CARD14: variants seen among roughly 807,000 people sequenced by gnomAD.
CARD14 encodes the protein caspase recruitment domain-containing protein 14.
Under a neutral mutation model 111.5 loss-of-function variants are expected in CARD14, and 107 were observed. The observed-to-expected ratio is 0.96, with a 90% CI of 0.82 to 1.13. The LOEUF is 1.13. Ranked by LOEUF, CARD14 falls within the 50% of genes most tolerant of loss-of-function variation. The pLI, the probability that CARD14 is intolerant of heterozygous loss-of-function variation, is 0.00. For synonymous variants in CARD14, 617 were observed against 579.6 expected, an observed-to-expected ratio of 1.06 and a Z score of -0.93; for missense variants, 1,322 against 1,362.3, an observed-to-expected ratio of 0.97 and a Z score of 0.47.
rs751205108 is a variant in CARD14 at position 80,183,761 on chromosome 17, T to TGCCCACATGCTCACCC, written c.350-120_350-105dup. The TGCCCACATGCTCACCC allele has an allele frequency of 1.2e-4, 67 of 542,918 alleles. No homozygotes were observed. In the Middle Eastern group the frequency reaches 1.4e-3, roughly 11 times the overall value. The allele number at this position is 542,918 out of a possible 1,614,324, so 33.6% of individuals were successfully genotyped here. On this transcript the variant is annotated intron_variant, in intron 6 of 23. Transcript: ENST00000648509. Reference sequence around the variant, plus strand: ...ATGCCCACCCGCCCACATGCTCAGCTGCCCACATGCTCACCCGCCCACATG... The same window carrying TGCCCACATGCTCACCC: ...ATGCCCACCCGCCCACATGCTCAGCTGCCCACATGCTCACCCGCCCACATGCTCACCCGCCCACATG...
chr17:80,171,425 C>A (rs1237276840), intron 1 of CARD14, among the ~76,000 whole-genome samples: 1 of 151,644 alleles, frequency 6.6e-6, no homozygotes, highest in African/African-American at 2.4e-5. Flanking sequence ...CTCAAGCAAT[C>A]CTCCTGCCTT....
At chr17:80,172,152 T>C (rs907987874) in intron 1 of CARD14, among the ~76,000 whole-genome samples, 1 of 152,218 alleles carries the variant, frequency 6.6e-6, no homozygotes, top group African/African-American at 2.4e-5. Context: ...CGGTAAGCCC[T>C]AGTTTTTCAG....
chr17:80,176,721 C>A (rs139991599), intron 2 of CARD14, among the ~76,000 whole-genome samples: 4 of 152,168 alleles, frequency 2.6e-5, no homozygotes, highest in African/African-American at 9.7e-5. Flanking sequence ...ATTCTGAATA[C>A]GTTTTTAAAA....
rs1280453529 is a variant in CARD14 at position 80,189,088 on chromosome 17, A to G, written c.843+544A>G. Among the ~76,000 whole-genome samples the G allele has an allele frequency of 6.6e-6, 1 of 152,096 alleles. No individual in the cohort carries two copies. Among genetic ancestry groups the G allele is most frequent in the Non-Finnish European group, 1.5e-5 (1 of 68,002 alleles). ...TAAAAGCCGCTGGAGGTGCATCACA[A>G]TGCCCGACTTGGTGGGTTTACTGCA... On this transcript the variant is annotated intron_variant, in intron 8 of 23. Coordinates refer to ENST00000648509, the MANE Select transcript of CARD14 (RefSeq NM_001366385.1). The surrounding 1 kb of genome is among the most constrained non-coding windows in gnomAD (Gnocchi z 4.7).
chr17:80,182,847 G>A lies in CARD14; in HGVS notation c.349+57G>A, dbSNP rs983701162. On this transcript the variant is annotated intron_variant, in intron 6 of 23. Transcript: ENST00000648509. The surrounding 1 kb of genome is among the most constrained non-coding windows in gnomAD (Gnocchi z 4.7). The stretch of plus-strand genomic sequence containing the variant: ...CACTTCTAGGAACCTCAGGCTCCTG[G>A]TAACCCCAGGTGCCCCGCTTACTTG... The A allele has an allele frequency of 1.2e-6, 2 of 1,604,740 alleles. No individual in the cohort carries two copies. Among genetic ancestry groups the A allele is most frequent in the Non-Finnish European group, 8.5e-7 (1 of 1,173,334 alleles).
intron 14 of CARD14, chr17:80,196,514 A>T (rs1250533500): frequency 6.6e-6 from 1 of 152,208 alleles, no homozygotes; most frequent in Non-Finnish European, 1.5e-5. Flanking sequence ...CCTCAAATAC[A>T]TCCAGAGTAC....
Position 80,181,483 on chromosome 17 carries a change from C to T in CARD14, c.45C>T (p.Asp15=), listed in dbSNP as rs768959428. The T allele has an allele frequency of 3.5e-5, 55 of 1,588,832 alleles. No individual in the cohort carries two copies. The highest frequency in any genetic ancestry group is 1.7e-4 in the Middle Eastern group (1 of 6,044). ...GGGACTCCGCACTCACGGCACTGGA[C>T]GAGGAGACACTGTGGGAGATGATGG... ...CRRDSALTAL[D]EETLWEMMES... The change falls in exon 5 of 24, where the codon GAC becomes GAT. Residue 15 remains aspartate, a synonymous_variant. Coordinates refer to ENST00000648509, the MANE Select transcript of CARD14 (RefSeq NM_001366385.1).
In CARD14 at chr17:80,201,278, T is replaced by TG. The variant is rs1420882377; in HGVS notation, c.1852-462dup. 6.1e-6 allele frequency: 1 copy of TG among 164,548 alleles called. No individual in the cohort carries two copies. The highest frequency in any genetic ancestry group is 1.9e-4 in the East Asian group (1 of 5,360). The allele number at this position is 164,548 out of a possible 1,614,324, so 10.2% of individuals were successfully genotyped here. A position where few individuals can be genotyped will look rare whatever the true frequency, so the allele number is the denominator to read the frequency against. ...AGCCCTGGGGGGTGGGCCTTCACAGTGGGGAAGGCTGTGGGTGGAGAGCCA... is the reference window on the plus strand; with the variant it reads ...AGCCCTGGGGGGTGGGCCTTCACAGTGGGGGAAGGCTGTGGGTGGAGAGCCA... On this transcript the variant is annotated intron_variant, in intron 16 of 23. Transcript: ENST00000648509. This position sits in a 1 kb window ranked among gnomAD's most constrained non-coding sequence, Gnocchi z 5.0.
chr17:80,170,944 G>A (rs2039883361), intron 1 of CARD14, among the ~76,000 whole-genome samples: 2 of 150,300 alleles, frequency 1.3e-5, no homozygotes, highest in South Asian at 4.2e-4. Context: ...GGGTTCAGGT[G>A]ATTCTCCTGC....
At chr17:80,206,913 C>G in intron 22 of CARD14, 57 bp from the exon 23 acceptor site, 3 of 1,363,138 alleles carry the variant, frequency 2.2e-6, no homozygotes, top group Non-Finnish European at 3.1e-6. Context: ...CGTTGGCTCC[C>G]TTTGCTTCCT....
rs888223090 is a variant in CARD14, at chr17:80,184,222, G to A, written c.659G>A (p.Arg220His). 3.7e-5 allele frequency: 57 copies of A among 1,534,348 alleles called. No individual in the cohort carries two copies. The highest frequency in any genetic ancestry group is 4.8e-5 in the East Asian group (2 of 41,302). Residue 220 changes from arginine to histidine, a missense_variant, in exon 7 of 24, where the codon CGC (arginine) becomes CAC (histidine). Physicochemically the swap from Arg to His is conservative, Grantham distance 29. Transcript: ENST00000648509. ...QEKELAASRCRSLQEELYLLK... is the reference protein window; with the variant it reads ...QEKELAASRCHSLQEELYLLK... Reference sequence around the variant, plus strand: ...AAGGAGCTGGCCGCCTCACGCTGCCGCAGCCTGCAGGAGGAGGTAGGGGGA... The same window carrying A: ...AAGGAGCTGGCCGCCTCACGCTGCCACAGCCTGCAGGAGGAGGTAGGGGGA...
Position 80,173,335 on chromosome 17 carries a change from C to CGT in CARD14, c.-367+108_-367+109insTG, listed in dbSNP as rs1317593079. ...ACACACACACACACACGCGCGCGCG[C>CGT]GCGCGCGGAATGACAGGACAGACTG... On this transcript the variant is annotated intron_variant, in intron 2 of 23. Coordinates refer to ENST00000648509, the MANE Select transcript of CARD14 (RefSeq NM_001366385.1). 4 of 152,524 alleles carry CGT rather than the reference C, an allele frequency of 2.6e-5. No individual in the cohort carries two copies. In the East Asian group the frequency reaches 7.8e-4, roughly 30 times the overall value. The allele number at this position is 152,524 out of a possible 1,614,324, so 9.4% of individuals were successfully genotyped here. A position where few individuals can be genotyped will look rare whatever the true frequency, so the allele number is the denominator to read the frequency against.
At chr17:80,177,762 C>A (rs1475004503) in intron 2 of CARD14, among the ~76,000 whole-genome samples, 1 of 152,046 alleles carries the variant, frequency 6.6e-6, no homozygotes, top group African/African-American at 2.4e-5. Flanking sequence ...CCAGGCTGGT[C>A]TCAAACTCCT....
rs376031523 is a variant in CARD14 at position 80,208,300 on chromosome 17, C to T, written c.2970C>T (p.Ala990=). The T allele has an allele frequency of 8.7e-6, 14 of 1,604,968 alleles. No individual in the cohort carries two copies. The highest frequency in any genetic ancestry group is 1.1e-5 in the Non-Finnish European group (13 of 1,176,958). Reference sequence around the variant, plus strand: ...TCAGCTGTGTCCGCCAGGCCATCGCCGACGAGCAGAAGAAGGTGGTGTGGA... The same window carrying T: ...TCAGCTGTGTCCGCCAGGCCATCGCTGACGAGCAGAAGAAGGTGGTGTGGA... ...GLLSCVRQAI[A]DEQKKVVWTE... Residue 990 remains alanine, a synonymous_variant, in exon 24 of 24, where the codon GCC becomes GCT. Coordinates refer to ENST00000648509, the MANE Select transcript of CARD14 (RefSeq NM_001366385.1).
rs535281046 is a variant in CARD14 at position 80,196,047 on chromosome 17, G to A, written c.1594+395G>A. The A allele has an allele frequency of 3.4e-5, 6 of 174,332 alleles. No homozygotes were observed. In the South Asian group the frequency reaches 4.2e-4, roughly 12 times the overall value. 10.8% of individuals were successfully genotyped at this position (174,332 alleles called of 1,614,324 possible). ...GAGGCACAGCGTGACATCTACCTGCGGGGAGCATCTCTCCTCTCAGGCGCT... is the reference window on the plus strand; with the variant it reads ...GAGGCACAGCGTGACATCTACCTGCAGGGAGCATCTCTCCTCTCAGGCGCT... On this transcript the variant is annotated intron_variant, in intron 14 of 23. Transcript: ENST00000648509.
intron 23 of CARD14, 54 bp downstream of exon 23, chr17:80,207,139 C>T: frequency 1.5e-6 from 2 of 1,307,978 alleles, no homozygotes; most frequent in South Asian, 1.2e-5. Context: ...CTGGGCTCCC[C>T]CAAAGCCCAC....
Position 80,198,303 on chromosome 17 carries a change from C to T in CARD14, c.1659-96C>T. On this transcript the variant is annotated intron_variant, in intron 15 of 23. Coordinates refer to ENST00000648509, the MANE Select transcript of CARD14 (RefSeq NM_001366385.1). This position sits in a 1 kb window ranked among gnomAD's most constrained non-coding sequence, Gnocchi z 7.5. ...GGGGCCATGGAGGGGGAGGAGAATT[C>T]CAGAACACTGGGGCCAGAGGGAAGC... is the stretch of plus-strand genomic sequence containing the variant. 6.4e-7 allele frequency: 1 copy of T among 1,567,642 alleles called. No homozygotes were observed. Among genetic ancestry groups the T allele is most frequent in the African/African-American group, 1.3e-5 (1 of 74,278 alleles).
Position 80,182,921 on chromosome 17 carries a change from G to A in CARD14, c.349+131G>A. ...CCTCCAGGCTGCAGTTCCTGTCCCA[G>A]CCCCAGCACTCTGAGGGTGAGGAAC... On this transcript the variant is annotated intron_variant, in intron 6 of 23. Coordinates refer to ENST00000648509, the MANE Select transcript of CARD14 (RefSeq NM_001366385.1). The surrounding 1 kb of genome is among the most constrained non-coding windows in gnomAD (Gnocchi z 4.7). The A allele has an allele frequency of 9.1e-7, 1 of 1,099,188 alleles. No individual in the cohort carries two copies. The highest frequency in any genetic ancestry group is 2.2e-5 in the Admixed American group (1 of 44,446). 68.1% of individuals were successfully genotyped at this position (1,099,188 alleles called of 1,614,324 possible). A position where few individuals can be genotyped will look rare whatever the true frequency, so the allele number is the denominator to read the frequency against.
intron 2 of CARD14, among the ~76,000 whole-genome samples, 163 bp from the exon 3 acceptor site, chr17:80,178,345 G>A (rs1187779223): frequency 1.3e-5 from 2 of 152,204 alleles, no homozygotes; most frequent in Non-Finnish European, 2.9e-5. Context: ...AATAGTTACT[G>A]GGAAAACCAC....
Sources: gnomAD v4.1 joint callset for allele counts (sites outside exome capture counted in the v4.1 genomes callset) on GRCh38, gnomAD v4.1.1 for gene constraint, Gnocchi (gnomAD v3.1) non-coding constraint, MANE v1.5 for transcripts, NCBI Gene and HGNC (gene_info 2026-07-23, HGNC 2026-07-21) for gene names.